Variants in CACNA1E observed in about 807,000 individuals in gnomAD.
The protein encoded by CACNA1E is voltage-dependent R-type calcium channel subunit alpha-1E.
Under a neutral mutation model 259.2 loss-of-function variants are expected in CACNA1E, and 40 were observed. The observed-to-expected ratio is 0.15, with a 90% CI of 0.12 to 0.20. The LOEUF is 0.20. Among genes scored for constraint, CACNA1E ranks in the 10% least tolerant of loss-of-function variants. The pLI, the probability that CACNA1E is intolerant of heterozygous loss-of-function variation, is 1.00. For missense variants in CACNA1E, 1,874 were observed against 3,040.1 expected (o/e 0.62, Z 9.02); for synonymous variants, 1,104 against 1,138.5 (o/e 0.97, Z 0.61).
intron 5 of CACNA1E, among the ~76,000 whole-genome samples, chr1:181,579,617 AC>A (rs1453306513): frequency 2.6e-5 from 4 of 152,186 alleles, no homozygotes; most frequent in African/African-American, 9.7e-5. Context: ...AGCCTGGACA[AC>A]TAGTGTCTCT....
intron 3 of CACNA1E, among the ~76,000 whole-genome samples, chr1:181,538,091 T>C (rs1209187603): frequency 6.6e-6 from 1 of 152,228 alleles, no homozygotes; most frequent in African/African-American, 2.4e-5. Flanking sequence ...TGTCTTAGTG[T>C]TTTTATGTAA....
At chr1:181,754,527 T>G (rs1240555957) in intron 27 of CACNA1E, among the ~76,000 whole-genome samples, 1 of 152,338 alleles carries the variant, frequency 6.6e-6, no homozygotes, top group Non-Finnish European at 1.5e-5. Flanking sequence ...AGTGGAGGTC[T>G]CTGGAGGTCT....
intron 43 of CACNA1E, 27 bp downstream of exon 43, chr1:181,785,846 A>G (rs1447459913): frequency 4.8e-6 from 7 of 1,464,484 alleles, no homozygotes; most frequent in Non-Finnish European, 6.6e-6. Flanking sequence ...CATCCCTGGC[A>G]TGGCTGTTTG....
At chr1:181,739,822 A>G (rs1656394449) in intron 25 of CACNA1E, among the ~76,000 whole-genome samples, 1 of 152,208 alleles carries the variant, frequency 6.6e-6, no homozygotes. Context: ...CCTTGATAAC[A>G]TACCTAGGAA....
At chr1:181,376,076 C>A (rs184120635) in intron 1 of CACNA1E, among the ~76,000 whole-genome samples, 2 of 152,166 alleles carry the variant, frequency 1.3e-5, no homozygotes, top group Non-Finnish European at 2.9e-5. Context: ...ATCTCTAGTG[C>A]AAGAGTTTGA....
chr1:181,419,279 C>T (rs2102180678), intron 2 of CACNA1E, among the ~76,000 whole-genome samples: 1 of 152,274 alleles, frequency 6.6e-6, no homozygotes, highest in South Asian at 2.1e-4. Flanking sequence ...TCATCTTTCC[C>T]CTTAACTCAT....
intron 6 of CACNA1E, among the ~76,000 whole-genome samples, chr1:181,624,093 A>G (rs1051893142): frequency 1.3e-5 from 2 of 152,196 alleles, no homozygotes; most frequent in Non-Finnish European, 2.9e-5. Context: ...GCAGGAAGCA[A>G]GAGAGTGGGG....
rs1188378751 is a variant in CACNA1E, at chr1:181,772,167, A to G, written c.5075A>G (p.Glu1692Gly). The G allele has an allele frequency of 3.1e-6, 5 of 1,613,814 alleles. No homozygotes were observed. The East Asian group carries it at 1.1e-4, about 36-fold the overall frequency. The change falls in exon 37 of 48, where the codon GAA becomes GGA. Residue 1692 changes from glutamate (E) to glycine (G), a missense_variant. Glu to Gly is a moderately conservative substitution (Grantham distance 98, BLOSUM62 -2). This residue lies in a region of CACNA1E where 147 missense variants were observed against 337.1 expected (regional missense o/e 0.44). Coordinates refer to ENST00000367573, the MANE Select transcript of CACNA1E (RefSeq NM_001205293.3). ...GCACCATCAGGGCAGAACGAGAACG[A>G]ACGCTGCGGCACCGATCTGGCCTAC... ...TTAPSGQNEN[E>G]RCGTDLAYVY...
At chr1:181,326,638 G>A (rs970297645) in intron 1 of CACNA1E, among the ~76,000 whole-genome samples, 12 of 152,074 alleles carry the variant, frequency 7.9e-5, no homozygotes, top group South Asian at 6.2e-4. Flanking sequence ...GCCACCGCTC[G>A]TATGCTGGTG....
At chr1:181,608,611 A>G (rs1365946119) in intron 6 of CACNA1E, among the ~76,000 whole-genome samples, 2 of 152,110 alleles carry the variant, frequency 1.3e-5, no homozygotes, top group Admixed American at 6.5e-5. Flanking sequence ...CACAAGAACC[A>G]TTGGGAATGG....
chr1:181,601,861 A>G (rs1653778500), intron 6 of CACNA1E, among the ~76,000 whole-genome samples: 1 of 152,152 alleles, frequency 6.6e-6, no homozygotes, highest in South Asian at 2.1e-4. Context: ...AGGGCCCTCC[A>G]TGATCTGCTC....
At chr1:181,415,341 C>T (rs1300206439) in intron 2 of CACNA1E, among the ~76,000 whole-genome samples, 2 of 152,176 alleles carry the variant, frequency 1.3e-5, no homozygotes, top group Non-Finnish European at 2.9e-5. Flanking sequence ...TACCAGCCAC[C>T]TACCTGGGGT....
chr1:181,406,038 T>C (rs1004921169), intron 1 of CACNA1E, among the ~76,000 whole-genome samples: 3 of 152,216 alleles, frequency 2.0e-5, no homozygotes, highest in African/African-American at 7.2e-5. Context: ...TAAGATCTTA[T>C]GGCCTGCAAT....
In CACNA1E at chr1:181,637,515, T is replaced by TCTTTCATCCTTTCTGC. The variant is rs1445235535; in HGVS notation, c.952-13822_952-13807dup. 3.3e-5 allele frequency among the ~76,000 whole-genome samples: 5 copies of TCTTTCATCCTTTCTGC among 151,674 alleles called. No individual in the cohort carries two copies. The East Asian group carries it at 9.7e-4, about 29-fold the overall frequency. Reference sequence around the variant, plus strand: ...TTCTGTGTGTCTTTGTGTCTTTCTGTCTTTCATCCTTTCTGCTTGTCTCAG... The same window carrying TCTTTCATCCTTTCTGC: ...TTCTGTGTGTCTTTGTGTCTTTCTGTCTTTCATCCTTTCTGCCTTTCATCCTTTCTGCTTGTCTCAG... On this transcript the variant is annotated intron_variant, in intron 6 of 47. Transcript: ENST00000367573.
chr1:181,557,945 T>C (rs1347698165), intron 3 of CACNA1E, among the ~76,000 whole-genome samples: 1 of 152,218 alleles, frequency 6.6e-6, no homozygotes, highest in Non-Finnish European at 1.5e-5. Context: ...AGACTGCCTC[T>C]GCAGTGTTTT....
intron 1 of CACNA1E, among the ~76,000 whole-genome samples, chr1:181,484,422 C>G (rs751775329): frequency 6.6e-6 from 1 of 152,204 alleles, no homozygotes; most frequent in South Asian, 2.1e-4. Context: ...CGTATCCCCA[C>G]CAACCAGGAG....
At chr1:181,793,082 A>G (rs1327135116) in intron 44 of CACNA1E, among the ~76,000 whole-genome samples, 2 of 152,254 alleles carry the variant, frequency 1.3e-5, no homozygotes, top group Non-Finnish European at 2.9e-5. Flanking sequence ...TTGGACATTT[A>G]AAATTCTGCA....
intron 45 of CACNA1E, 69 bp downstream of exon 45, chr1:181,793,862 C>T (rs1661549764): frequency 1.3e-6 from 2 of 1,504,596 alleles, no homozygotes; most frequent in Non-Finnish European, 1.8e-6. Context: ...GGAATAATAT[C>T]TGATATTTGC....
intron 6 of CACNA1E, among the ~76,000 whole-genome samples, chr1:181,629,953 T>G (rs12071300): frequency 0.19 from 29,010 of 151,980 alleles, 3,090 homozygotes; most frequent in South Asian, 0.35. Context: ...TGGAGGCACA[T>G]TCACAGTGTG....
Sources: allele counts gnomAD v4.1 joint callset (sites outside exome capture counted in the v4.1 genomes callset), GRCh38; gene constraint gnomAD v4.1.1; regional missense constraint gnomAD v4.1.1; transcripts MANE v1.5; gene names NCBI Gene and HGNC (gene_info 2026-07-23, HGNC 2026-07-21).